KLF8: variants seen among roughly 807,000 people sequenced by gnomAD.
The protein encoded by KLF8 is Krueppel-like factor 8.
Under a neutral mutation model 18.2 loss-of-function variants are expected in KLF8, and 10 were observed. That is an observed-to-expected ratio of 0.55 (90% CI 0.34 to 0.93). The LOEUF is 0.93. Ranked by LOEUF, KLF8 falls within the 40% of genes least tolerant of loss-of-function variation. KLF8 has a pLI of 0.02. For missense variants in KLF8, 264 were observed against 277.9 expected (o/e 0.95, Z 0.36); for synonymous variants, 109 against 97.3 (o/e 1.12, Z -0.71).
At chrX:56,066,584 C>T in the KLF8 span, among the ~76,000 whole-genome samples, 1 of 111,930 alleles carries the variant, frequency 8.9e-6, no homozygotes, top group Non-Finnish European at 1.9e-5. Context: ...CTTCATTGCA[C>T]TTGTACATGT....
chrX:56,121,479 G>A, the KLF8 span, among the ~76,000 whole-genome samples: 139 of 112,438 alleles, frequency 1.2e-3, no homozygotes, highest in African/African-American at 4.2e-3. Flanking sequence ...GACTCCTTTA[G>A]TTTTCACGTG....
chrX:56,227,414 G>A (rs1013972491), upstream of KLF8, among the ~76,000 whole-genome samples: 9 of 107,802 alleles, frequency 8.3e-5, no homozygotes, highest in Admixed American at 8.0e-4. Context: ...GCAGTGGTGC[G>A]ACCTCAGCTC....
the KLF8 span, among the ~76,000 whole-genome samples, chrX:56,138,933 C>T: frequency 8.1e-5 from 9 of 110,987 alleles, no homozygotes; most frequent in South Asian, 3.5e-3. Flanking sequence ...AGTCTCAGCC[C>T]AAAAGCCCCT....
chrX:55,990,010 T>C, the KLF8 span, among the ~76,000 whole-genome samples: 4 of 112,051 alleles, frequency 3.6e-5, no homozygotes, highest in African/African-American at 1.3e-4. Flanking sequence ...TATAGTATTC[T>C]CTGATGGTAG....
the KLF8 span, among the ~76,000 whole-genome samples, chrX:56,030,218 G>A: frequency 1.8e-5 from 2 of 111,084 alleles, no homozygotes; most frequent in Admixed American, 9.6e-5. Context: ...ATGCCTCCTG[G>A]TATTGTCTTA....
chrX:55,949,560 G>A, the KLF8 span, among the ~76,000 whole-genome samples: 1 of 110,333 alleles, frequency 9.1e-6, no homozygotes, highest in Non-Finnish European at 1.9e-5. Context: ...TTGGGAGGCC[G>A]AGGGGGTGGA....
At chrX:56,075,294 C>G in the KLF8 span, among the ~76,000 whole-genome samples, 1 of 111,003 alleles carries the variant, frequency 9.0e-6, no homozygotes, top group Non-Finnish European at 1.9e-5. Flanking sequence ...GGGATACAAC[C>G]TATTTTGCAT....
chrX:56,090,201 A>G, the KLF8 span, among the ~76,000 whole-genome samples: 1 of 112,159 alleles, frequency 8.9e-6, no homozygotes, highest in Non-Finnish European at 1.9e-5. Flanking sequence ...ATCAACTAAC[A>G]ACATGGGAGA....
intron 1 of KLF8, among the ~76,000 whole-genome samples, chrX:56,233,742 TGAAGC>T (rs2066433060): frequency 8.9e-6 from 1 of 111,923 alleles, no homozygotes; most frequent in African/African-American, 3.3e-5. Flanking sequence ...GGTAACCCCC[TGAAGC>T]CATAGCGGGT....
chrX:55,961,368 C>T, the KLF8 span: 14 of 473,135 alleles, frequency 3.0e-5, no homozygotes, highest in South Asian at 1.4e-4. Context: ...AGAGGGACAC[C>T]GATAGCAAAA....
the KLF8 span, among the ~76,000 whole-genome samples, chrX:56,063,746 T>G: frequency 3.3e-4 from 37 of 111,354 alleles, no homozygotes; most frequent in Non-Finnish European, 1.5e-4. Flanking sequence ...CCACTGAATC[T>G]GTGTTCACAG....
the KLF8 span, among the ~76,000 whole-genome samples, chrX:56,154,318 A>T: frequency 3.2e-3 from 362 of 111,879 alleles, 1 homozygote; most frequent in African/African-American, 0.011. Context: ...TAACTATCTG[A>T]TCTTTGACAA....
At chrX:56,048,174 G>T in the KLF8 span, among the ~76,000 whole-genome samples, 1 of 111,485 alleles carries the variant, frequency 9.0e-6, no homozygotes, top group African/African-American at 3.3e-5. Context: ...TTAGCCCTTT[G>T]TCAGATGAGT....
the KLF8 span, among the ~76,000 whole-genome samples, chrX:56,203,835 T>A: frequency 1.8e-5 from 2 of 112,048 alleles, no homozygotes; most frequent in African/African-American, 6.5e-5. Context: ...ATGTTTAGCA[T>A]AATTTGAAGT....
At chrX:56,047,682 T>C in the KLF8 span, among the ~76,000 whole-genome samples, 1 of 111,461 alleles carries the variant, frequency 9.0e-6, no homozygotes, top group Non-Finnish European at 1.9e-5. Context: ...ACATTTGGCT[T>C]GGTTCCAAGT....
At chrX:56,052,148 G>A in the KLF8 span, among the ~76,000 whole-genome samples, 27 of 110,677 alleles carry the variant, frequency 2.4e-4, no homozygotes, top group East Asian at 4.0e-3. Context: ...CTCTGTATTG[G>A]TTATTCTAGT....
the KLF8 span, among the ~76,000 whole-genome samples, chrX:55,947,950 G>A: frequency 8.9e-6 from 1 of 112,036 alleles, no homozygotes; most frequent in East Asian, 2.8e-4. Context: ...TAGATGCAGA[G>A]AAATTATTTG....
At chrX:56,221,409 A>G in the KLF8 span, among the ~76,000 whole-genome samples, 1 of 111,963 alleles carries the variant, frequency 8.9e-6, no homozygotes, top group Non-Finnish European at 1.9e-5. Context: ...TCTAGGGTTC[A>G]TTTCTGAGGA....
intron 1 of KLF8, chrX:56,243,397 CT>C: frequency 3.8e-6 from 1 of 266,281 alleles, no homozygotes; most frequent in South Asian, 5.1e-5. Flanking sequence ...TCCTTCTTCC[CT>C]TTCCGCGCCA....
Sources: allele counts gnomAD v4.1 joint callset (sites outside exome capture counted in the v4.1 genomes callset), GRCh38; gene constraint gnomAD v4.1.1; transcripts MANE v1.5; gene names NCBI Gene and HGNC (gene_info 2026-07-23, HGNC 2026-07-21).